Variants in UNC79 observed in about 807,000 individuals in gnomAD.
UNC79 encodes the protein protein unc-79 homolog.
UNC79 carries 37 observed loss-of-function variants against 283.1 expected under a neutral mutation model. The ratio of observed to expected loss-of-function variants is 0.13; its 90% confidence interval spans 0.10 to 0.17. UNC79 has a LOEUF of 0.17. UNC79 is among the 10% of genes least tolerant of loss of function. The pLI, the probability that UNC79 is intolerant of heterozygous loss-of-function variation, is 1.00. For synonymous variants in UNC79, 1,107 were observed against 1,200.2 expected (o/e 0.92, Z 1.61); for missense variants, 2,272 against 3,211.1 (o/e 0.71, Z 7.07).
intron 7 of UNC79, among the ~76,000 whole-genome samples, chr14:93,503,156 A>G (rs4483789): frequency 1 from 151,952 of 152,268 alleles, 75,824 homozygotes; most frequent in Middle Eastern, 1. Flanking sequence ...GAATTTTATA[A>G]AAATGGAATA....
chr14:93,581,979 T>C (rs971667159), intron 19 of UNC79, among the ~76,000 whole-genome samples: 7 of 152,214 alleles, frequency 4.6e-5, no homozygotes, highest in African/African-American at 9.7e-5. Flanking sequence ...CTATATATAT[T>C]TGAAGTGAAA....
At chr14:93,416,126 T>C (rs1209882132) in intron 1 of UNC79, among the ~76,000 whole-genome samples, 43 of 122,392 alleles carry the variant, frequency 3.5e-4, no homozygotes, top group Admixed American at 5.8e-4. Flanking sequence ...GTGTCAATTT[T>C]GGATCTTTCC....
chr14:93,528,686 C>T (rs371551223), intron 9 of UNC79, 40 bp downstream of exon 9: 2 of 1,570,414 alleles, frequency 1.3e-6, no homozygotes, highest in Non-Finnish European at 1.7e-6. Context: ...AATAGGACAA[C>T]AATAAGAAGA....
intron 1 of UNC79, among the ~76,000 whole-genome samples, chr14:93,340,717 G>C (rs1048648344): frequency 4.6e-5 from 7 of 151,912 alleles, no homozygotes; most frequent in African/African-American, 1.7e-4. Context: ...GCCTACAGAT[G>C]TGCACCACCA....
intron 14 of UNC79, among the ~76,000 whole-genome samples, chr14:93,548,349 C>A (rs2061706787): frequency 6.6e-6 from 1 of 152,186 alleles, no homozygotes; most frequent in African/African-American, 2.4e-5. Flanking sequence ...TCCCAATAGG[C>A]CCCACCTTCT....
intron 31 of UNC79, 182 bp from the exon 35 acceptor site, chr14:93,637,034 G>A (rs2068566625): frequency 1.5e-6 from 1 of 649,060 alleles, no homozygotes; most frequent in African/African-American, 1.8e-5. Context: ...CTGAATGGCA[G>A]GTTTGTAGTA....
intron 40 of UNC79, among the ~76,000 whole-genome samples, chr14:93,670,717 C>T (rs1471197068): frequency 6.6e-6 from 1 of 152,194 alleles, no homozygotes; most frequent in Non-Finnish European, 1.5e-5. Flanking sequence ...CCCTTCTAAG[C>T]ACTTCTCTAA....
intron 43 of UNC79, among the ~76,000 whole-genome samples, chr14:93,687,452 A>T (rs1293389239): frequency 6.6e-6 from 1 of 152,182 alleles, no homozygotes; most frequent in Non-Finnish European, 1.5e-5. Context: ...GGCAGAAGAG[A>T]ATCCAAACAT....
intron 40 of UNC79, among the ~76,000 whole-genome samples, chr14:93,668,356 A>T (rs527625066): frequency 6.6e-6 from 1 of 152,334 alleles, no homozygotes; most frequent in Non-Finnish European, 1.5e-5. Context: ...TCAACTACAG[A>T]TGATTATAAA....
At chr14:93,704,749 T>C (rs1051823010) in intron 48 of UNC79, 83 bp downstream of exon 51, 1 of 1,500,396 alleles carries the variant, frequency 6.7e-7, no homozygotes, top group African/African-American at 1.4e-5. Context: ...ATGCTCCATT[T>C]ACTATGGAGA....
In UNC79 at chr14:93,376,421, G is replaced by T. The variant is rs1207197798; in HGVS notation, c.-351+42898G>T. ...ATGCGTTCCAGGGTAGAATAGAACT[G>T]GTGGTCTTCTAAAGAAGAAAAAAAA... is the stretch of plus-strand genomic sequence containing the variant. On this transcript the variant is annotated intron_variant, in intron 1 of 49. Transcript: ENST00000256339. Among the ~76,000 whole-genome samples the T allele has an allele frequency of 2.0e-5, 3 of 152,084 alleles. No homozygotes were observed. The East Asian group carries it at 5.8e-4, about 29-fold the overall frequency.
chr14:93,511,008 G>A (rs1370728493), intron 7 of UNC79, among the ~76,000 whole-genome samples: 1 of 152,148 alleles, frequency 6.6e-6, no homozygotes, highest in African/African-American at 2.4e-5. Flanking sequence ...GGGTTATATT[G>A]GCTTCTGCTT....
intron 20 of UNC79, among the ~76,000 whole-genome samples, chr14:93,583,781 C>T (rs2063999833): frequency 1.3e-5 from 2 of 149,518 alleles, no homozygotes; most frequent in African/African-American, 4.9e-5. Context: ...CTCCAACTTA[C>T]TCTCTTTCAT....
intron 1 of UNC79, among the ~76,000 whole-genome samples, chr14:93,392,697 G>A (rs971943023): frequency 3.3e-5 from 5 of 151,874 alleles, no homozygotes; most frequent in African/African-American, 4.8e-5. Context: ...TTCCTTAATC[G>A]GCATCTTCTC....
chr14:93,530,712 A>G (rs903423748), intron 10 of UNC79, among the ~76,000 whole-genome samples: 1 of 152,166 alleles, frequency 6.6e-6, no homozygotes, highest in Non-Finnish European at 1.5e-5. Flanking sequence ...AATCAAGACC[A>G]TCCTGGCTAA....
At chr14:93,508,972 T>C (rs1054772119) in intron 7 of UNC79, among the ~76,000 whole-genome samples, 2 of 152,210 alleles carry the variant, frequency 1.3e-5, no homozygotes, top group African/African-American at 4.8e-5. Flanking sequence ...TACCTGAAAC[T>C]TGTTAATTTA....
At chr14:93,527,872 A>C (rs2060617572) in intron 8 of UNC79, among the ~76,000 whole-genome samples, 3 of 152,138 alleles carry the variant, frequency 2.0e-5, no homozygotes, top group African/African-American at 7.2e-5. Flanking sequence ...TATTCTGATG[A>C]TCAACTGTGA....
At chr14:93,345,657 A>C (rs2053809760) in intron 1 of UNC79, among the ~76,000 whole-genome samples, 1 of 152,104 alleles carries the variant, frequency 6.6e-6, no homozygotes, top group Non-Finnish European at 1.5e-5. Flanking sequence ...TTGATGAGTG[A>C]GAAAAAGGTT....
intron 1 of UNC79, among the ~76,000 whole-genome samples, chr14:93,403,329 A>G (rs1167581698): frequency 6.6e-6 from 1 of 152,246 alleles, no homozygotes. Flanking sequence ...GGTGAAATTC[A>G]GCAGGACTGT....
Sources: gnomAD v4.1 joint callset for allele counts (sites outside exome capture counted in the v4.1 genomes callset) on GRCh38, gnomAD v4.1.1 for gene constraint, MANE v1.5 for transcripts, NCBI Gene and HGNC (gene_info 2026-07-23, HGNC 2026-07-21) for gene names.